Variants in HM13 observed in about 807,000 individuals in gnomAD.
The protein encoded by HM13 is histocompatibility minor 13.
In HM13, 18 loss-of-function variants were observed where a neutral mutation model predicts 50.0. The observed-to-expected ratio is 0.36, with a 90% confidence interval of 0.25 to 0.53. The LOEUF is 0.53. Among genes scored for constraint, HM13 ranks in the 20% least tolerant of loss-of-function variants. HM13 has a pLI of 0.90. For synonymous variants in HM13, 197 were observed against 232.6 expected, an observed-to-expected ratio of 0.85 and a Z score of 1.39; for missense variants, 393 against 552.4, an observed-to-expected ratio of 0.71 and a Z score of 2.89.
intron 8 of HM13, among the ~76,000 whole-genome samples, 185 bp downstream of exon 8, chr20:31,555,014 G>A (rs531010618): frequency 6.6e-6 from 1 of 152,244 alleles, no homozygotes; most frequent in South Asian, 2.1e-4. Context: ...CAGGTGCCAT[G>A]CCCCAAGCTG....
At chr20:31,548,045 A>C in intron 4 of HM13, 2 of 1,570,670 alleles carry the variant, frequency 1.3e-6, no homozygotes, top group Non-Finnish European at 1.8e-6. Flanking sequence ...AAGACATATA[A>C]ATGAGCCTCA....
At chr20:31,532,978 C>T in intron 2 of HM13, among the ~76,000 whole-genome samples, 1 of 152,226 alleles carries the variant, frequency 6.6e-6, no homozygotes, top group East Asian at 1.9e-4. Flanking sequence ...CAGTCTGCCT[C>T]GTGCCAGAAG....
chr20:31,557,255 G>A (rs553132158), intron 8 of HM13, among the ~76,000 whole-genome samples: 46 of 152,172 alleles, frequency 3.0e-4, no homozygotes, highest in Non-Finnish European at 5.4e-4. Flanking sequence ...AAAAGAAATG[G>A]AGTCCTGTAA....
At chr20:31,523,613 A>T (rs569752760) in intron 1 of HM13, among the ~76,000 whole-genome samples, 1 of 152,294 alleles carries the variant, frequency 6.6e-6, no homozygotes, top group African/African-American at 2.4e-5. Flanking sequence ...TGTAATATGT[A>T]TCATGTCACA....
chr20:31,548,382 C>A, intron 4 of HM13: 1 of 209,210 alleles, frequency 4.8e-6, no homozygotes, highest in South Asian at 9.6e-5. Context: ...TACCACAGGG[C>A]CCCCCACAAA....
intron 2 of HM13, among the ~76,000 whole-genome samples, chr20:31,532,133 G>A (rs1372464271): frequency 6.7e-6 from 1 of 149,992 alleles, no homozygotes; most frequent in African/African-American, 2.5e-5. Context: ...CTCAGGTAAA[G>A]AGCTGAATTT....
chr20:31,557,486 G>GA (rs1396865806), intron 8 of HM13, among the ~76,000 whole-genome samples: 4 of 152,158 alleles, frequency 2.6e-5, no homozygotes, highest in Non-Finnish European at 5.9e-5. Flanking sequence ...CTTTAGGAGT[G>GA]AAAATCCCTG....
chr20:31,548,199 G>C (rs1983830698), intron 4 of HM13: 1 of 666,186 alleles, frequency 1.5e-6, no homozygotes, highest in African/African-American at 1.8e-5. Flanking sequence ...AAATCAGGGT[G>C]CTCTTACCAC....
Position 31,536,917 on chromosome 20 carries a change from C to A in HM13, c.283-1262C>A, listed in dbSNP as rs565772096. Among the ~76,000 whole-genome samples the A allele has an allele frequency of 2.0e-5, 3 of 152,354 alleles. No individual in the cohort carries two copies. In the South Asian group the frequency reaches 6.2e-4, roughly 32 times the overall value. On this transcript the variant is annotated intron_variant, in intron 2 of 12. Transcript: ENST00000398174. ...ACATGTAACTGTTTCTTTCGAGATTCTTTCTCCCTCACTGGCCCATGACCT... is the reference window on the plus strand; with the variant it reads ...ACATGTAACTGTTTCTTTCGAGATTATTTCTCCCTCACTGGCCCATGACCT...
At chr20:31,538,922 T>C (rs768541057) in intron 3 of HM13, 2 of 281,346 alleles carry the variant, frequency 7.1e-6, no homozygotes, top group Non-Finnish European at 1.1e-5. Flanking sequence ...CAGACAACCT[T>C]ATATGGGTTG....
rs908312688 is a variant in HM13 at position 31,547,721 on chromosome 20, A to C, written c.455-1308A>C. 4 of 1,187,054 alleles carry C rather than the reference A, an allele frequency of 3.4e-6. No homozygotes were observed. In the South Asian group the frequency reaches 5.2e-5, roughly 16 times the overall value. 73.5% of individuals were successfully genotyped at this position (1,187,054 alleles called of 1,614,324 possible). A position where few individuals can be genotyped will look rare whatever the true frequency, so the allele number is the denominator to read the frequency against. Reference sequence around the variant, plus strand: ...AGTGGGGAATTATTGTTTTTTAGACAAAGAAAGGGGCCTTTTTGTCCAACT... The same window carrying C: ...AGTGGGGAATTATTGTTTTTTAGACCAAGAAAGGGGCCTTTTTGTCCAACT... On this transcript the variant is annotated intron_variant, in intron 4 of 12. Transcript: ENST00000398174.
At chr20:31,555,390 T>C (rs1482571531) in intron 8 of HM13, among the ~76,000 whole-genome samples, 1 of 151,774 alleles carries the variant, frequency 6.6e-6, no homozygotes, top group Non-Finnish European at 1.5e-5. Context: ...TTTGAGCCCC[T>C]GGATCTGCGT....
chr20:31,516,806 G>T (rs1443405662), intron 1 of HM13, among the ~76,000 whole-genome samples: 1 of 152,144 alleles, frequency 6.6e-6, no homozygotes, highest in African/African-American at 2.4e-5. Flanking sequence ...TGACCATTAA[G>T]AGCCTGCCAC....
At chr20:31,525,029 T>G (rs1323367538) in intron 1 of HM13, among the ~76,000 whole-genome samples, 2 of 152,200 alleles carry the variant, frequency 1.3e-5, no homozygotes, top group East Asian at 3.9e-4. Context: ...GCTCCTCTTT[T>G]TGTATCTTTG....
chr20:31,538,911 C>A, intron 3 of HM13: 1 of 248,320 alleles, frequency 4.0e-6, no homozygotes, highest in Non-Finnish European at 6.4e-6. Flanking sequence ...TGTTAACCTG[C>A]CAGACAACCT....
At chr20:31,542,812 A>G (rs1418223089) in intron 3 of HM13, among the ~76,000 whole-genome samples, 1 of 152,182 alleles carries the variant, frequency 6.6e-6, no homozygotes, top group Non-Finnish European at 1.5e-5. Context: ...ATAGCCCTAC[A>G]AGAAAGGTGT....
At chr20:31,561,845 G>C (rs1984635186) in intron 10 of HM13, 109 bp downstream of exon 10, 1 of 760,942 alleles carries the variant, frequency 1.3e-6, no homozygotes, top group South Asian at 1.5e-5. Context: ...ACTCCCCACT[G>C]GTGTTGGAGC....
intron 1 of HM13, 82 bp from the exon 2 acceptor site, chr20:31,527,402 C>T: frequency 1.0e-6 from 1 of 959,814 alleles, no homozygotes; most frequent in Non-Finnish European, 1.6e-6. Flanking sequence ...CATCCCTAGC[C>T]AAGGGAATAG....
intron 2 of HM13, among the ~76,000 whole-genome samples, chr20:31,530,947 C>T (rs2122569167): frequency 6.6e-6 from 1 of 152,330 alleles, no homozygotes; most frequent in East Asian, 1.9e-4. Context: ...TTTTACATTC[C>T]CACTGACAGT....
Sources: gnomAD v4.1 joint callset for allele counts (sites outside exome capture counted in the v4.1 genomes callset) on GRCh38, gnomAD v4.1.1 for gene constraint, MANE v1.5 for transcripts, NCBI Gene and HGNC (gene_info 2026-07-23, HGNC 2026-07-21) for gene names.